RFC3: variants seen among roughly 807,000 people sequenced by gnomAD.
RFC3 encodes the protein replication factor C subunit 3, also known as A1 38 kDa subunit.
In RFC3, 41 loss-of-function variants were observed where a neutral mutation model predicts 45.1. The observed-to-expected ratio is 0.91, with a 90% CI of 0.71 to 1.18. The LOEUF (loss-of-function observed/expected upper bound fraction) is 1.18. Ranked by LOEUF, RFC3 falls within the 50% of genes most tolerant of loss-of-function variation. RFC3 has a pLI of 0.00. For synonymous variants in RFC3, 149 were observed against 144.0 expected, an observed-to-expected ratio of 1.03 and a Z score of -0.25; for missense variants, 423 against 428.1, an observed-to-expected ratio of 0.99 and a Z score of 0.10.
chr13:33,883,056 T>TA (rs1378046525), intron 8 of RFC3, among the ~76,000 whole-genome samples: 1 of 152,220 alleles, frequency 6.6e-6, no homozygotes, highest in African/African-American at 2.4e-5. Flanking sequence ...GGCAACTACA[T>TA]AAAAAGCTGC....
intron 8 of RFC3, among the ~76,000 whole-genome samples, chr13:33,907,507 T>C (rs1186640720): frequency 6.6e-6 from 1 of 152,098 alleles, no homozygotes; most frequent in Non-Finnish European, 1.5e-5. Context: ...GAAAATACTT[T>C]TCTTTAGTGA....
intron 8 of RFC3, among the ~76,000 whole-genome samples, chr13:33,890,146 G>A (rs1566018069): frequency 6.6e-6 from 1 of 152,176 alleles, no homozygotes; most frequent in Non-Finnish European, 1.5e-5. Flanking sequence ...TTGAGGTTCA[G>A]TATGTAAACT....
At chr13:33,821,599 G>A (rs970660984) in intron 2 of RFC3, among the ~76,000 whole-genome samples, 2 of 152,118 alleles carry the variant, frequency 1.3e-5, no homozygotes, top group Non-Finnish European at 2.9e-5. Context: ...AGCAGTAGTG[G>A]GGATGGAAAG....
intron 8 of RFC3, among the ~76,000 whole-genome samples, chr13:33,871,259 T>TA (rs1186322041): frequency 6.6e-6 from 1 of 152,198 alleles, no homozygotes; most frequent in Non-Finnish European, 1.5e-5. Flanking sequence ...TTTATCCTCT[T>TA]ACTGTTCTGG....
At chr13:33,854,412 A>C (rs1227335868) in intron 8 of RFC3, among the ~76,000 whole-genome samples, 1 of 152,244 alleles carries the variant, frequency 6.6e-6, no homozygotes, top group Non-Finnish European at 1.5e-5. Flanking sequence ...AAACTCAAGT[A>C]GCCTTGAAAG....
chr13:33,938,184 C>CAAAAAAAAAAAAAAAAAAAA (rs34685731), intron 8 of RFC3, among the ~76,000 whole-genome samples: 4 of 70,768 alleles, frequency 5.7e-5, no homozygotes, highest in Admixed American at 1.8e-4. Flanking sequence ...AGTCCAACTG[C>CAAAAAAAAAAAAAAAAAAAA]AAAAAAAAAA....
intron 8 of RFC3, among the ~76,000 whole-genome samples, chr13:33,923,554 A>G (rs963961139): frequency 2.0e-5 from 3 of 152,112 alleles, no homozygotes; most frequent in Non-Finnish European, 4.4e-5. Context: ...GGATTGAATG[A>G]AGAGGTGATA....
At chr13:33,954,339 A>T (rs2083008092) in intron 8 of RFC3, among the ~76,000 whole-genome samples, 1 of 152,220 alleles carries the variant, frequency 6.6e-6, no homozygotes, top group Admixed American at 6.5e-5. Flanking sequence ...CATTTTGAGA[A>T]CATAGAAGAC....
At chr13:33,961,390 G>A (rs891824590) in intron 8 of RFC3, among the ~76,000 whole-genome samples, 4 of 152,152 alleles carry the variant, frequency 2.6e-5, no homozygotes, top group African/African-American at 9.7e-5. Flanking sequence ...CAAACCTACT[G>A]TAATTATTTA....
chr13:33,972,428 AT>A, the RFC3 span, among the ~76,000 whole-genome samples: 1 of 152,112 alleles, frequency 6.6e-6, no homozygotes, highest in African/African-American at 2.4e-5. Context: ...CTTCTCCTAG[AT>A]TGGAGTTCTT....
intron 8 of RFC3, among the ~76,000 whole-genome samples, chr13:33,885,609 G>C (rs753815789): frequency 5.3e-5 from 8 of 152,122 alleles, no homozygotes; most frequent in Non-Finnish European, 1.2e-4. Flanking sequence ...TGATCTCAGA[G>C]GTGTCTTGAT....
intron 8 of RFC3, among the ~76,000 whole-genome samples, chr13:33,965,523 G>A (rs2083082605): frequency 6.6e-6 from 1 of 152,146 alleles, no homozygotes; most frequent in Non-Finnish European, 1.5e-5. Flanking sequence ...TCCCCTTACA[G>A]TGCATTTTTC....
chr13:33,953,816 G>A (rs763298266), intron 8 of RFC3, among the ~76,000 whole-genome samples: 2 of 152,060 alleles, frequency 1.3e-5, no homozygotes, highest in Non-Finnish European at 2.9e-5. Flanking sequence ...ATTTTGATGC[G>A]ACATTTTAGA....
At chr13:33,848,858 A>G (rs1479913099) in intron 8 of RFC3, 4 of 152,218 alleles carry the variant, frequency 2.6e-5, no homozygotes, top group Non-Finnish European at 2.9e-5. Context: ...AGAGATAGAA[A>G]TGTAAATATT....
chr13:33,842,856 G>T (rs1381289363), intron 8 of RFC3, among the ~76,000 whole-genome samples: 3 of 152,106 alleles, frequency 2.0e-5, no homozygotes, highest in African/African-American at 4.8e-5. Flanking sequence ...TTCCATGTGT[G>T]AATCAGTGTT....
chr13:33,881,477 T>A (rs1250660695), intron 8 of RFC3, among the ~76,000 whole-genome samples: 3 of 152,178 alleles, frequency 2.0e-5, no homozygotes, highest in Non-Finnish European at 4.4e-5. Context: ...CATCACATTC[T>A]TGCATCATTC....
At chr13:33,948,334 A>C (rs772188434) in intron 8 of RFC3, among the ~76,000 whole-genome samples, 3 of 152,234 alleles carry the variant, frequency 2.0e-5, no homozygotes, top group African/African-American at 4.8e-5. Flanking sequence ...GAAGTCAAGA[A>C]TTGAGGCTGG....
At chr13:33,943,138 T>C (rs903616384) in intron 8 of RFC3, among the ~76,000 whole-genome samples, 1 of 152,200 alleles carries the variant, frequency 6.6e-6, no homozygotes, top group Non-Finnish European at 1.5e-5. Flanking sequence ...TACTTTAGCA[T>C]TCATTTTTCA....
intron 3 of RFC3, 100 bp downstream of exon 3, chr13:33,824,084 C>T (rs1057350322): frequency 6.9e-6 from 4 of 576,196 alleles, no homozygotes; most frequent in Non-Finnish European, 1.2e-5. Flanking sequence ...TAAATTGATA[C>T]GTGTGGAAGC....
Sources: gnomAD v4.1 joint callset for allele counts (sites outside exome capture counted in the v4.1 genomes callset) on GRCh38, gnomAD v4.1.1 for gene constraint, MANE v1.5 for transcripts, NCBI Gene and HGNC (gene_info 2026-07-23, HGNC 2026-07-21) for gene names.